Variants in EYS observed in about 807,000 individuals in gnomAD.
EYS encodes EGF-like photoreceptor maintenance factor.
Under a neutral mutation model 282.1 loss-of-function variants are expected in EYS, and 250 were observed. The observed-to-expected ratio is 0.89, with a 90% CI of 0.80 to 0.98. EYS has a LOEUF of 0.98. EYS is among the 50% of genes least tolerant of loss of function. The pLI is 0.00. For missense variants in EYS, 4,016 were observed against 3,709.0 expected (o/e 1.08, Z -2.15); for synonymous variants, 1,355 against 1,282.9 (o/e 1.06, Z -1.20).
At chr6:65,186,609 T>C (rs776868806) in intron 12 of EYS, among the ~76,000 whole-genome samples, 2 of 151,794 alleles carry the variant, frequency 1.3e-5, no homozygotes, top group Non-Finnish European at 2.9e-5. Flanking sequence ...GGAAATGAGA[T>C]GATAGAATTC....
intron 22 of EYS, among the ~76,000 whole-genome samples, chr6:64,689,808 C>A (rs1254083796): frequency 6.6e-6 from 1 of 152,126 alleles, no homozygotes; most frequent in African/African-American, 2.4e-5. Context: ...CTTCCTTACA[C>A]CTTATGCAAA....
intron 22 of EYS, among the ~76,000 whole-genome samples, chr6:64,757,769 T>TGTGC (rs1448955048): frequency 1.3e-5 from 2 of 151,398 alleles, no homozygotes; most frequent in East Asian, 3.9e-4. Context: ...TGTGTGTGTG[T>TGTGC]GTGTGTGTGT....
At chr6:64,018,975 A>G (rs1042901115) in intron 33 of EYS, among the ~76,000 whole-genome samples, 3 of 151,944 alleles carry the variant, frequency 2.0e-5, no homozygotes, top group African/African-American at 7.3e-5. Flanking sequence ...GGGTTTCGCC[A>G]TGTTGGCCAG....
chr6:65,028,690 T>C (rs1772503280), intron 13 of EYS, among the ~76,000 whole-genome samples: 1 of 152,078 alleles, frequency 6.6e-6, no homozygotes, highest in Admixed American at 6.5e-5. Flanking sequence ...CAGTGGACAT[T>C]TTTAGTTAGG....
chr6:64,381,920 C>T (rs1772759456), intron 29 of EYS, among the ~76,000 whole-genome samples: 1 of 152,178 alleles, frequency 6.6e-6, no homozygotes, highest in Admixed American at 6.5e-5. Context: ...CTTTACTCAT[C>T]ATCATGGGCT....
At chr6:63,803,033 T>C (rs1192375153) in intron 37 of EYS, among the ~76,000 whole-genome samples, 2 of 152,192 alleles carry the variant, frequency 1.3e-5, no homozygotes, top group East Asian at 3.8e-4. Flanking sequence ...GGCTAAAACA[T>C]TGCTTTATAT....
chr6:64,208,404 C>A (rs934435786), intron 31 of EYS, among the ~76,000 whole-genome samples: 3 of 152,114 alleles, frequency 2.0e-5, no homozygotes, highest in Non-Finnish European at 4.4e-5. Context: ...ACTTTAGAGG[C>A]AGTAAATATT....
At chr6:65,631,032 A>G (rs998795372) in intron 2 of EYS, among the ~76,000 whole-genome samples, 4 of 152,202 alleles carry the variant, frequency 2.6e-5, no homozygotes, top group Non-Finnish European at 4.4e-5. Context: ...CTCATTAGGA[A>G]TATTTTTCAT....
intron 22 of EYS, among the ~76,000 whole-genome samples, chr6:64,682,026 C>T (rs1020960694): frequency 7.2e-5 from 11 of 152,170 alleles, no homozygotes; most frequent in Admixed American, 3.9e-4. Flanking sequence ...CCTCTCTGGG[C>T]ACAGAGGAGA....
chr6:64,209,116 A>G (rs1161151099), intron 31 of EYS, among the ~76,000 whole-genome samples: 3 of 152,138 alleles, frequency 2.0e-5, no homozygotes, highest in Non-Finnish European at 4.4e-5. Flanking sequence ...AGGAAATGAA[A>G]TTGTGCTTAA....
At chr6:65,308,342 C>A (rs1769067823) in intron 11 of EYS, among the ~76,000 whole-genome samples, 1 of 7,744 alleles carries the variant, frequency 1.3e-4, no homozygotes, top group Non-Finnish European at 3.8e-4. Flanking sequence ...ACCAGATATG[C>A]CATAATAAAA....
At chr6:64,766,649 A>AAAAAAAAAAAAAAAAAAT (rs1387919586) in intron 22 of EYS, among the ~76,000 whole-genome samples, 1 of 19,050 alleles carries the variant, frequency 5.2e-5, no homozygotes, top group Non-Finnish European at 1.0e-4. Context: ...AAAAAAAAAA[A>AAAAAAAAAAAAAAAAAAT]ATATATATAT....
At chr6:65,332,985 C>T (rs1769850831) in intron 11 of EYS, among the ~76,000 whole-genome samples, 1 of 150,210 alleles carries the variant, frequency 6.7e-6, no homozygotes, top group Non-Finnish European at 1.5e-5. Flanking sequence ...TATCTTATTC[C>T]TGATTTTAGT....
At chr6:65,359,905 A>C (rs2150332697) in intron 8 of EYS, among the ~76,000 whole-genome samples, 1 of 152,138 alleles carries the variant, frequency 6.6e-6, no homozygotes, top group Admixed American at 6.6e-5. Context: ...ATAAGGAAAT[A>C]AAAATTATAG....
intron 22 of EYS, among the ~76,000 whole-genome samples, chr6:64,756,731 A>G (rs1211663143): frequency 6.6e-6 from 1 of 152,220 alleles, no homozygotes. Context: ...GAAGTTCACA[A>G]TAAAATATTC....
At chr6:65,699,385 A>C (rs930163526) in intron 1 of EYS, among the ~76,000 whole-genome samples, 1 of 152,110 alleles carries the variant, frequency 6.6e-6, no homozygotes, top group Non-Finnish European at 1.5e-5. Context: ...TATTTGTCAA[A>C]TTTTGCTCAA....
At chr6:65,585,816 G>A (rs1285814649) in intron 2 of EYS, among the ~76,000 whole-genome samples, 2 of 151,864 alleles carry the variant, frequency 1.3e-5, no homozygotes, top group Non-Finnish European at 2.9e-5. Flanking sequence ...ATTGTTGTAA[G>A]AGCTAAAATA....
chr6:65,483,062 G>A (rs1765661794), intron 5 of EYS, among the ~76,000 whole-genome samples: 1 of 151,884 alleles, frequency 6.6e-6, no homozygotes, highest in African/African-American at 2.4e-5. Flanking sequence ...CTTTCTAATG[G>A]ATGCATAAAT....
intron 31 of EYS, among the ~76,000 whole-genome samples, chr6:64,202,581 C>T (rs1562251383): frequency 6.6e-6 from 1 of 152,094 alleles, no homozygotes; most frequent in Non-Finnish European, 1.5e-5. Flanking sequence ...ACAGTATCGA[C>T]AGAGTTTGTA....
Sources: allele counts gnomAD v4.1 joint callset (sites outside exome capture counted in the v4.1 genomes callset), GRCh38; gene constraint gnomAD v4.1.1; transcripts MANE v1.5; gene names NCBI Gene and HGNC (gene_info 2026-07-23, HGNC 2026-07-21).